SOS2: variants seen among roughly 807,000 people sequenced by gnomAD.
SOS2 encodes son of sevenless homolog 2.
A neutral mutation model predicts 148.2 loss-of-function variants in SOS2; 65 were observed. That is an observed-to-expected ratio of 0.44 (90% confidence interval 0.36 to 0.54). The LOEUF (loss-of-function observed/expected upper bound fraction) is 0.54. SOS2 is among the 20% of genes least tolerant of loss of function. SOS2 has a pLI of 0.00. For synonymous variants in SOS2, 539 were observed against 537.1 expected (o/e 1.00, Z -0.05); for missense variants, 1,341 against 1,590.2 (o/e 0.84, Z 2.67).
intron 7 of SOS2, among the ~76,000 whole-genome samples, chr14:50,179,067 G>C (rs1885638386): frequency 6.6e-6 from 1 of 151,890 alleles, no homozygotes; most frequent in Admixed American, 6.6e-5. Context: ...CAAGAGATAA[G>C]AGCAGTAACA....
rs778933207 is a variant in SOS2 at position 50,202,313 on chromosome 14, GAAC to G, written c.214-1232_214-1230del. Among the ~76,000 whole-genome samples, 129 of 152,264 alleles carry G rather than the reference GAAC, an allele frequency of 8.5e-4. 1 individual carries two copies. Among genetic ancestry groups the G allele is most frequent in the Admixed American group, 1.2e-3 (19 of 15,298 alleles). Reference sequence around the variant, plus strand: ...AGTGATTCATTGGCATGAAAAACAAGAACTACTGAGATCTGAATTAAACTCTAA... The same window carrying G: ...AGTGATTCATTGGCATGAAAAACAAGTACTGAGATCTGAATTAAACTCTAA... On this transcript the variant is annotated intron_variant, in intron 2 of 22. Coordinates refer to ENST00000216373, the MANE Select transcript of SOS2 (RefSeq NM_006939.4).
At chr14:50,230,959 CA>C in intron 1 of SOS2, 10 of 1,019,616 alleles carry the variant, frequency 9.8e-6, no homozygotes, top group Non-Finnish European at 1.2e-5. Context: ...GAAATGACTG[CA>C]ACATGAAATC....
At chr14:50,149,893 A>G (rs1884607567) in intron 14 of SOS2, 115 bp downstream of exon 14, 1 of 746,786 alleles carries the variant, frequency 1.3e-6, no homozygotes, top group Non-Finnish European at 2.3e-6. Flanking sequence ...CTCTAAGCCC[A>G]TGAGAGTAGA....
At chr14:50,133,251 T>TTTTTTC (rs1260864145) in intron 19 of SOS2, among the ~76,000 whole-genome samples, 2 of 136,320 alleles carry the variant, frequency 1.5e-5, no homozygotes, top group African/African-American at 5.4e-5. Context: ...TCTTTTTTCT[T>TTTTTTC]TTTTTTTTTT....
chr14:50,174,575 A>T (rs1240857390), intron 7 of SOS2, 23 bp from the exon 8 acceptor site: 3 of 1,416,906 alleles, frequency 2.1e-6, no homozygotes, highest in Admixed American at 3.5e-5. Flanking sequence ...AAGATATCAC[A>T]GTATGTATGT....
intron 18 of SOS2, among the ~76,000 whole-genome samples, chr14:50,138,065 T>C (rs1255533678): frequency 1.3e-5 from 2 of 152,022 alleles, no homozygotes; most frequent in East Asian, 3.9e-4. Flanking sequence ...GGTCTCAAAT[T>C]CTTGACCTCA....
rs80023882 is a variant in SOS2, at chr14:50,214,761, G to T, written c.88-10352C>A. On this transcript the variant is annotated intron_variant, in intron 1 of 22. Transcript: ENST00000216373. ...AGGCCTACCTAAATTGCTCGAGCTG[G>T]TCACCAACTCCTTGGCTCAAACAAT... 4.9e-3 allele frequency among the ~76,000 whole-genome samples: 732 copies of T among 149,746 alleles called. 5 individuals are homozygous for T. Among genetic ancestry groups the T allele is most frequent in the African/African-American group, 0.017 (673 of 40,760 alleles).
At chr14:50,189,013 C>A (rs961089251) in intron 4 of SOS2, among the ~76,000 whole-genome samples, 3 of 150,770 alleles carry the variant, frequency 2.0e-5, no homozygotes, top group African/African-American at 4.9e-5. Context: ...GCAGTTGAGT[C>A]ATGATCACAC....
At chr14:50,140,084 T>C (rs373090021) in intron 16 of SOS2, 25 bp from the exon 17 acceptor site, 56 of 1,089,790 alleles carry the variant, frequency 5.1e-5, no homozygotes, top group Non-Finnish European at 6.6e-5. Context: ...AAATTGAGTA[T>C]AAATTTTTTA....
chr14:50,205,332 T>G (rs1369976407), intron 1 of SOS2, among the ~76,000 whole-genome samples: 1 of 152,156 alleles, frequency 6.6e-6, no homozygotes, highest in East Asian at 1.9e-4. Context: ...GATTATAGCA[T>G]GAGCCACTGC....
intron 8 of SOS2, among the ~76,000 whole-genome samples, chr14:50,166,093 A>G (rs1187007238): frequency 6.6e-6 from 1 of 152,220 alleles, no homozygotes; most frequent in Non-Finnish European, 1.5e-5. Context: ...TTGAAAACAA[A>G]CTGGATAACT....
intron 16 of SOS2, among the ~76,000 whole-genome samples, chr14:50,144,249 CTTGTTT>C (rs1025164392): frequency 3.3e-5 from 5 of 151,736 alleles, no homozygotes; most frequent in African/African-American, 1.2e-4. Flanking sequence ...CCATTAAAAT[CTTGTTT>C]TTGAAGATAA....
rs142569975 is a variant in SOS2, at chr14:50,150,702, C to A, written c.2162-472G>T. On this transcript the variant is annotated intron_variant, in intron 13 of 22. Transcript: ENST00000216373. ...TCAGCCTCCCAAGTAGCTGGGACTGCACATATCACCACGCCTGGCTAATTT... is the reference window on the plus strand; with the variant it reads ...TCAGCCTCCCAAGTAGCTGGGACTGAACATATCACCACGCCTGGCTAATTT... Among the ~76,000 whole-genome samples, 327 of 151,980 alleles carry A rather than the reference C, an allele frequency of 2.2e-3. 1 individual carries two copies. The highest frequency in any genetic ancestry group is 2.2e-3 in the Non-Finnish European group (149 of 67,962).
intron 4 of SOS2, among the ~76,000 whole-genome samples, chr14:50,190,496 G>C (rs886467284): frequency 2.0e-5 from 3 of 152,106 alleles, no homozygotes; most frequent in Non-Finnish European, 4.4e-5. Context: ...AATCTGGTCA[G>C]CTCTCTCCAT....
chr14:50,136,031 C>A (rs1884068194), intron 18 of SOS2, among the ~76,000 whole-genome samples: 1 of 152,086 alleles, frequency 6.6e-6, no homozygotes, highest in Non-Finnish European at 1.5e-5. Context: ...GCAAAATGAG[C>A]TTTAAAATTT....
chr14:50,185,353 A>T (rs993735310), intron 5 of SOS2, among the ~76,000 whole-genome samples: 4 of 152,104 alleles, frequency 2.6e-5, no homozygotes, highest in Non-Finnish European at 5.9e-5. Context: ...ATGGGGAAAA[A>T]ATCCTCACAT....
rs1225606570 is a variant in SOS2 at position 50,159,662 on chromosome 14, A to G, written c.1621T>C (p.Ser541Pro). ...TCTAGAGTACTACGATAATGAAGAG[A>G]AATAAGGGCTGCCATCCAGTTGTTT... Reference protein sequence around the residue: ...EKNNWMAALISLHYRSTLDRM... With the variant: ...EKNNWMAALIPLHYRSTLDRM... Residue 541 changes from serine to proline, a missense_variant, in exon 10 of 23, where the codon TCT becomes CCT. Ser to Pro is a moderately conservative substitution (Grantham distance 74). Around this residue, in one of 4 missense-constraint regions of SOS2, gnomAD observed 574 missense variants for 711.1 expected, o/e 0.81. Coordinates refer to ENST00000216373, the MANE Select transcript of SOS2 (RefSeq NM_006939.4). The G allele has an allele frequency of 1.2e-6, 2 of 1,614,084 alleles. No individual in the cohort carries two copies. The highest frequency in any genetic ancestry group is 8.5e-7 in the Non-Finnish European group (1 of 1,179,982).
At chr14:50,221,212 T>C (rs1388229588) in intron 1 of SOS2, among the ~76,000 whole-genome samples, 1 of 152,198 alleles carries the variant, frequency 6.6e-6, no homozygotes, top group East Asian at 1.9e-4. Context: ...TTTTCTAATT[T>C]ATGGAAGAAA....
intron 1 of SOS2, among the ~76,000 whole-genome samples, chr14:50,230,513 T>C (rs776252255): frequency 2.0e-5 from 3 of 152,178 alleles, no homozygotes; most frequent in Non-Finnish European, 4.4e-5. Flanking sequence ...GAAAGACTGA[T>C]TTGCAGGAGT....
Sources: gnomAD v4.1 joint callset for allele counts (sites outside exome capture counted in the v4.1 genomes callset) on GRCh38, gnomAD v4.1.1 for gene constraint, gnomAD v4.1.1 regional missense constraint, MANE v1.5 for transcripts, NCBI Gene and HGNC (gene_info 2026-07-23, HGNC 2026-07-21) for gene names.